AHCYL2: variants seen among roughly 807,000 people sequenced by gnomAD.
AHCYL2 encodes the protein S-adenosylhomocysteine hydrolase-like protein 2.
Under a neutral mutation model 81.4 loss-of-function variants are expected in AHCYL2, and 28 were observed. That is an observed-to-expected ratio of 0.34 (90% CI 0.25 to 0.47). The LOEUF (loss-of-function observed/expected upper bound fraction) is 0.47, where lower values mean the gene tolerates loss of function less well. Among genes scored for constraint, AHCYL2 ranks in the 20% least tolerant of loss-of-function variants. The pLI is 1.00. For missense variants in AHCYL2, 551 were observed against 785.1 expected, an observed-to-expected ratio of 0.70 and a Z score of 3.56; for synonymous variants, 272 against 290.2, an observed-to-expected ratio of 0.94 and a Z score of 0.64.
At chr7:129,382,865 C>A (rs567934043) in intron 2 of AHCYL2, among the ~76,000 whole-genome samples, 2 of 152,232 alleles carry the variant, frequency 1.3e-5, no homozygotes, top group African/African-American at 4.8e-5. Context: ...AAGATCATGC[C>A]ATTGCACTCC....
chr7:129,312,173 C>G (rs1297961909), intron 1 of AHCYL2, among the ~76,000 whole-genome samples: 1 of 152,028 alleles, frequency 6.6e-6, no homozygotes, highest in East Asian at 1.9e-4. Flanking sequence ...TAGTCTCTAC[C>G]TGTTGGGCTT....
Position 129,327,345 on chromosome 7 carries a change from G to A in AHCYL2, c.364-52293G>A, listed in dbSNP as rs969475920. 7.2e-5 allele frequency among the ~76,000 whole-genome samples: 11 copies of A among 152,294 alleles called. No individual in the cohort carries two copies. In the East Asian group the frequency reaches 1.5e-3, roughly 21 times the overall value. ...TTGCTGAGAACCAGATTTGTTGCACGTTGATCTTGGCCTTCCCAGCCTCTA... is the reference window on the plus strand; with the variant it reads ...TTGCTGAGAACCAGATTTGTTGCACATTGATCTTGGCCTTCCCAGCCTCTA... On this transcript the variant is annotated intron_variant, in intron 1 of 16. Transcript: ENST00000325006.
chr7:129,346,053 A>G (rs150709644), intron 1 of AHCYL2, among the ~76,000 whole-genome samples: 2,303 of 152,322 alleles, frequency 0.015, 37 homozygotes, highest in Non-Finnish European at 0.02. Context: ...GAAACATGGT[A>G]ACAGAAAAGA....
chr7:129,286,716 C>T (rs1201047406), intron 1 of AHCYL2, among the ~76,000 whole-genome samples: 1 of 152,178 alleles, frequency 6.6e-6, no homozygotes, highest in Non-Finnish European at 1.5e-5. Flanking sequence ...CTGCCTTGGC[C>T]TCCCAGAGTG....
chr7:129,282,753 C>T (rs1416873730), intron 1 of AHCYL2, among the ~76,000 whole-genome samples: 1 of 151,436 alleles, frequency 6.6e-6, no homozygotes. Flanking sequence ...GTGAATTTTA[C>T]CTGTTTAGGT....
chr7:129,246,652 G>A (rs962109109), intron 1 of AHCYL2, among the ~76,000 whole-genome samples: 45 of 151,862 alleles, frequency 3.0e-4, no homozygotes, highest in Admixed American at 2.4e-3. Flanking sequence ...GCGTGCCACC[G>A]TGGCTGGCTA....
intron 11 of AHCYL2, 28 bp downstream of exon 11, chr7:129,409,574 G>A (rs761741931): frequency 6.4e-7 from 1 of 1,567,692 alleles, no homozygotes; most frequent in South Asian, 1.1e-5. Context: ...TAAATGGGGT[G>A]GCACTTGGGA....
intron 1 of AHCYL2, among the ~76,000 whole-genome samples, chr7:129,338,197 C>T (rs915544741): frequency 6.6e-6 from 1 of 151,568 alleles, no homozygotes; most frequent in South Asian, 2.1e-4. Context: ...GGGTCTTGCT[C>T]TGTCACTCAG....
intron 1 of AHCYL2, among the ~76,000 whole-genome samples, chr7:129,378,466 T>G (rs541585916): frequency 2.0e-5 from 3 of 152,288 alleles, no homozygotes; most frequent in African/African-American, 7.2e-5. Context: ...CCTGCTATGT[T>G]TCAATTTACA....
At chr7:129,355,984 A>G (rs1456064812) in intron 1 of AHCYL2, among the ~76,000 whole-genome samples, 1 of 152,186 alleles carries the variant, frequency 6.6e-6, no homozygotes, top group African/African-American at 2.4e-5. Flanking sequence ...ACAAATGTAA[A>G]AAAGGTAAGG....
chr7:129,232,569 C>T (rs1402421889), intron 1 of AHCYL2, among the ~76,000 whole-genome samples: 1 of 152,238 alleles, frequency 6.6e-6, no homozygotes, highest in African/African-American at 2.4e-5. Flanking sequence ...CATCCGCCAT[C>T]CATTATCTTC....
At chr7:129,237,950 G>A (rs547107830) in intron 1 of AHCYL2, among the ~76,000 whole-genome samples, 32 of 152,152 alleles carry the variant, frequency 2.1e-4, no homozygotes, top group African/African-American at 7.5e-4. Flanking sequence ...TTGAACTCCT[G>A]ACCTTGTGAT....
chr7:129,314,617 A>G (rs1797771205), intron 1 of AHCYL2, among the ~76,000 whole-genome samples: 1 of 152,188 alleles, frequency 6.6e-6, no homozygotes, highest in South Asian at 2.1e-4. Context: ...GCTCTCTTTT[A>G]TAAGGGCACT....
chr7:129,259,975 C>T lies in AHCYL2; in HGVS notation c.363+34536C>T, dbSNP rs137973126. Among the ~76,000 whole-genome samples, 21 of 151,686 alleles carry T rather than the reference C, an allele frequency of 1.4e-4. 1 individual carries two copies. The East Asian group carries it at 4.1e-3, about 29-fold the overall frequency. ...CCTGTAATCCCAGCTACTTGGGAGA[C>T]TGAGGCAGGAGAATCGCTTGAACCC... On this transcript the variant is annotated intron_variant, in intron 1 of 16. Coordinates refer to ENST00000325006, the MANE Select transcript of AHCYL2 (RefSeq NM_015328.4).
chr7:129,238,687 C>G (rs866038509), intron 1 of AHCYL2, among the ~76,000 whole-genome samples: 1 of 152,172 alleles, frequency 6.6e-6, no homozygotes, highest in Admixed American at 6.5e-5. Context: ...CGCGGTGGCT[C>G]ACGCTTGCAA....
intron 1 of AHCYL2, among the ~76,000 whole-genome samples, chr7:129,252,622 C>G (rs1393618718): frequency 6.6e-6 from 1 of 152,146 alleles, no homozygotes; most frequent in Non-Finnish European, 1.5e-5. Flanking sequence ...AAAATATTGT[C>G]TGGGGGTGGT....
At chr7:129,309,562 GA>G (rs1229823959) in intron 1 of AHCYL2, among the ~76,000 whole-genome samples, 1 of 152,080 alleles carries the variant, frequency 6.6e-6, no homozygotes, top group Non-Finnish European at 1.5e-5. Flanking sequence ...TGAAAGAAAA[GA>G]AAATTTATGG....
intron 1 of AHCYL2, among the ~76,000 whole-genome samples, chr7:129,374,130 A>T (rs1014490121): frequency 1.3e-5 from 2 of 152,186 alleles, no homozygotes; most frequent in African/African-American, 4.8e-5. Flanking sequence ...TTTTAAATTA[A>T]ATAAATTTAA....
At chr7:129,325,296 C>T (rs117748494) in intron 1 of AHCYL2, among the ~76,000 whole-genome samples, 2,879 of 152,206 alleles carry the variant, frequency 0.019, 46 homozygotes, top group Non-Finnish European at 0.029. Context: ...ACTGGGTATA[C>T]AATATTAGGT....
Sources: gnomAD v4.1 joint callset for allele counts (sites outside exome capture counted in the v4.1 genomes callset) on GRCh38, gnomAD v4.1.1 for gene constraint, MANE v1.5 for transcripts, NCBI Gene and HGNC (gene_info 2026-07-23, HGNC 2026-07-21) for gene names.